OTUD7A: variants seen among roughly 807,000 people sequenced by gnomAD.
OTUD7A encodes the protein OTU deubiquitinase 7A, also known as OTU domain-containing protein 7A.
In OTUD7A, 12 loss-of-function variants were observed where a neutral mutation model predicts 65.7. That is an observed-to-expected ratio of 0.18 (90% CI 0.12 to 0.30). OTUD7A has a LOEUF of 0.30. OTUD7A is among the 10% of genes least tolerant of loss of function. OTUD7A has a pLI of 1.00. For synonymous variants in OTUD7A, 641 were observed against 586.3 expected, an observed-to-expected ratio of 1.09 and a Z score of -1.35; for missense variants, 1,148 against 1,304.8, an observed-to-expected ratio of 0.88 and a Z score of 1.85.
intron 1 of OTUD7A, among the ~76,000 whole-genome samples, chr15:31,819,042 G>A (rs550818668): frequency 6.6e-6 from 1 of 152,278 alleles, no homozygotes; most frequent in East Asian, 1.9e-4. Flanking sequence ...TGGCCAGTTT[G>A]TAAGCAGAAA....
Position 31,717,235 on chromosome 15 carries a change from T to C in OTUD7A, c.-99-60158A>G, listed in dbSNP as rs530200329. ...AACAGTTTCTCAGTCTATCACTTTT[T>C]TTCTTTTAAAAAATTTTTATTATAC... On this transcript the variant is annotated intron_variant, in intron 1 of 12. Transcript: ENST00000307050. 2.7e-4 allele frequency among the ~76,000 whole-genome samples: 41 copies of C among 152,122 alleles called. No individual in the cohort carries two copies. The South Asian group carries it at 8.5e-3, about 32-fold the overall frequency.
intron 3 of OTUD7A, among the ~76,000 whole-genome samples, chr15:31,603,256 T>C (rs1890135832): frequency 6.9e-6 from 1 of 145,248 alleles, no homozygotes; most frequent in Non-Finnish European, 1.5e-5. Context: ...TATAGACCAA[T>C]GGAAGAGAAC....
At chr15:31,559,288 CAG>C in intron 4 of OTUD7A, 101 bp from the exon 5 acceptor site, 2 of 1,118,814 alleles carry the variant, frequency 1.8e-6, no homozygotes, top group South Asian at 3.0e-5. Flanking sequence ...TACACACACA[CAG>C]GTACACATTC....
At chr15:31,539,384 G>T (rs1367594976) in intron 5 of OTUD7A, among the ~76,000 whole-genome samples, 1 of 89,330 alleles carries the variant, frequency 1.1e-5, no homozygotes, top group Non-Finnish European at 2.5e-5. Flanking sequence ...TGACCCCGAG[G>T]TCTACACTTG....
intron 12 of OTUD7A, among the ~76,000 whole-genome samples, chr15:31,486,431 CCTT>C (rs1247648062): frequency 6.6e-6 from 1 of 152,230 alleles, no homozygotes; most frequent in African/African-American, 2.4e-5. Context: ...TCATGCCACT[CCTT>C]TACTAATTCT....
intron 1 of OTUD7A, among the ~76,000 whole-genome samples, chr15:31,864,789 ACACAC>A (rs1431173725): frequency 2.6e-5 from 4 of 151,954 alleles, no homozygotes; most frequent in South Asian, 2.1e-4. Context: ...ACACACACAC[ACACAC>A]AAGTCAAAGC....
intron 1 of OTUD7A, among the ~76,000 whole-genome samples, chr15:31,854,559 T>G (rs1278614061): frequency 6.6e-6 from 1 of 152,070 alleles, no homozygotes; most frequent in African/African-American, 2.4e-5. Context: ...ATCACTCTGG[T>G]TCTCATCTTT....
At chr15:31,526,131 C>T (rs1356447295) in intron 8 of OTUD7A, among the ~76,000 whole-genome samples, 1 of 152,264 alleles carries the variant, frequency 6.6e-6, no homozygotes, top group African/African-American at 2.4e-5. Flanking sequence ...CATGTGGGGG[C>T]TGCATACCCT....
intron 1 of OTUD7A, chr15:31,768,085 T>C: frequency 6.3e-7 from 1 of 1,597,226 alleles, no homozygotes; most frequent in Middle Eastern, 1.7e-4. Flanking sequence ...AATTGCCATA[T>C]TTTTTAAAGT....
chr15:31,566,083 C>A (rs1040356606), intron 4 of OTUD7A, among the ~76,000 whole-genome samples: 1 of 151,264 alleles, frequency 6.6e-6, no homozygotes, highest in Non-Finnish European at 1.5e-5. Context: ...CCCAGTTACT[C>A]GGGAGGCTGA....
At chr15:31,617,240 G>C (rs760485674) in intron 3 of OTUD7A, among the ~76,000 whole-genome samples, 2 of 152,182 alleles carry the variant, frequency 1.3e-5, no homozygotes, top group Non-Finnish European at 2.9e-5. Context: ...TGTAATCCCA[G>C]CACTTTGGGA....
chr15:31,526,995 C>G (rs1412254891), intron 7 of OTUD7A, among the ~76,000 whole-genome samples, 186 bp downstream of exon 7: 1 of 152,210 alleles, frequency 6.6e-6, no homozygotes, highest in Non-Finnish European at 1.5e-5. Flanking sequence ...TGCCGGGACT[C>G]TGCTATTTTA....
At chr15:31,765,957 A>G (rs1469065653) in intron 1 of OTUD7A, 6 of 1,382,554 alleles carry the variant, frequency 4.3e-6, no homozygotes, top group African/African-American at 2.9e-5. Flanking sequence ...AAGTTCTGCA[A>G]TTGCAGCTTG....
chr15:31,768,551 C>T (rs1895148886), intron 1 of OTUD7A, among the ~76,000 whole-genome samples: 1 of 151,720 alleles, frequency 6.6e-6, no homozygotes, highest in Non-Finnish European at 1.5e-5. Context: ...CCTAGCTACT[C>T]GGGAGGCTGA....
intron 1 of OTUD7A, among the ~76,000 whole-genome samples, chr15:31,788,812 C>A (rs1037141316): frequency 6.6e-6 from 1 of 152,220 alleles, no homozygotes; most frequent in Non-Finnish European, 1.5e-5. Flanking sequence ...TACTTCAGAG[C>A]TCTTTGTAGT....
chr15:31,559,201 AG>A lies in OTUD7A; in HGVS notation c.332-15del. The A allele has an allele frequency of 6.2e-7, 1 of 1,609,922 alleles. No homozygotes were observed. Among genetic ancestry groups the A allele is most frequent in the Non-Finnish European group, 8.5e-7 (1 of 1,177,508 alleles). On this transcript the variant is annotated splice_polypyrimidine_tract_variant and intron_variant, in intron 4 of 12. Transcript: ENST00000307050. Reference sequence around the variant, plus strand: ...AAAGCCGCTTTTCTGCAGGGGGAGAAGGAAAGATAGCCCCAAGGGCTGAGTG... The same window carrying A: ...AAAGCCGCTTTTCTGCAGGGGGAGAAGAAAGATAGCCCCAAGGGCTGAGTG...
chr15:31,619,606 C>A (rs1047983243), intron 3 of OTUD7A, among the ~76,000 whole-genome samples: 2 of 151,874 alleles, frequency 1.3e-5, no homozygotes, highest in Admixed American at 6.6e-5. Context: ...GTGATTTTTA[C>A]ACATTGATTT....
chr15:31,670,105 T>C (rs1419551904), intron 1 of OTUD7A, among the ~76,000 whole-genome samples: 6 of 148,214 alleles, frequency 4.0e-5, no homozygotes, highest in Admixed American at 3.3e-4. Flanking sequence ...AAATTCACGA[T>C]GCAAGCCTCG....
chr15:31,518,038 G>T (rs16956820), intron 8 of OTUD7A, among the ~76,000 whole-genome samples: 11,819 of 152,082 alleles, frequency 0.078, 676 homozygotes, highest in East Asian at 0.24. Context: ...CTCCTGTTTT[G>T]CTTGGGAAAG....
Sources: allele counts gnomAD v4.1 joint callset (sites outside exome capture counted in the v4.1 genomes callset), GRCh38; gene constraint gnomAD v4.1.1; transcripts MANE v1.5; gene names NCBI Gene and HGNC (gene_info 2026-07-23, HGNC 2026-07-21).